REPS2: variants seen among roughly 807,000 people sequenced by gnomAD.
REPS2 encodes RALBP1 associated Eps domain containing 2, also known as ralBP1-associated Eps domain-containing protein 2.
Under a neutral mutation model 53.6 loss-of-function variants are expected in REPS2, and 23 were observed. The observed-to-expected ratio is 0.43, with a 90% CI of 0.31 to 0.61. The LOEUF (loss-of-function observed/expected upper bound fraction) is 0.61, where lower values mean the gene tolerates loss of function less well. Ranked by LOEUF, REPS2 falls within the 20% of genes least tolerant of loss-of-function variation. The probability of loss-of-function intolerance (pLI) is 0.11; values close to 1 mark genes in which losing one functional copy is unlikely to be tolerated. For synonymous variants in REPS2, 238 were observed against 218.6 expected, an observed-to-expected ratio of 1.09 and a Z score of -0.78; for missense variants, 446 against 534.9, an observed-to-expected ratio of 0.83 and a Z score of 1.64.
chrX:16,951,533 ACACACACACACACACACACACACACACC>A lies in REPS2; in HGVS notation c.273+4401_273+4428del, dbSNP rs1265873416. 1.9e-4 allele frequency among the ~76,000 whole-genome samples: 10 copies of A among 51,819 alleles called. No homozygotes were observed. In the South Asian group the frequency reaches 9.3e-3, roughly 48 times the overall value. The allele number at this position is 51,819 out of a possible 115,157, so 45.0% of individuals were successfully genotyped here. ...CACACACACACACACACACACACAC[ACACACACACACACACACACACACACACC>A]CCCGCTACCTACCTCTCTCTGGGGC... On this transcript the variant is annotated intron_variant, in intron 1 of 17. Transcript: ENST00000357277.
intron 9 of REPS2, among the ~76,000 whole-genome samples, chrX:17,065,793 G>T (rs1015393737): frequency 2.7e-5 from 3 of 111,091 alleles, no homozygotes; most frequent in Non-Finnish European, 1.9e-5. Context: ...CACCATGTTG[G>T]CCAGGATGGT....
chrX:17,046,055 G>C (rs182371100), intron 5 of REPS2, among the ~76,000 whole-genome samples: 4 of 110,292 alleles, frequency 3.6e-5, no homozygotes, highest in African/African-American at 1.3e-4. Flanking sequence ...TTGACAGTGT[G>C]TTCAGAAGCA....
Position 16,976,707 on chromosome X carries a change from C to T in REPS2, c.274-29514C>T, listed in dbSNP as rs775505918. On this transcript the variant is annotated intron_variant, in intron 1 of 17. Transcript: ENST00000357277. The stretch of plus-strand genomic sequence containing the variant: ...CTTCAAGAACTCACCTACTGCCAAT[C>T]ATTCCTCTGAGTTAAGAATATATAT... Among the ~76,000 whole-genome samples, 8 of 111,727 alleles carry T rather than the reference C, an allele frequency of 7.2e-5. No individual in the cohort carries two copies. In the East Asian group the frequency reaches 2.2e-3, roughly 31 times the overall value.
intron 14 of REPS2, among the ~76,000 whole-genome samples, chrX:17,127,547 A>G (rs1389856346): frequency 8.9e-6 from 1 of 111,901 alleles, no homozygotes; most frequent in Non-Finnish European, 1.9e-5. Context: ...AGAGAAGGGC[A>G]TGGAAATGGG....
In REPS2 at chrX:17,152,088, G is replaced by C. The variant is rs2063574762; in HGVS notation, c.*4607G>C. The C allele has an allele frequency of 1.8e-5, 2 of 111,399 alleles. No homozygotes were observed. Among genetic ancestry groups the C allele is most frequent in the African/African-American group, 6.5e-5 (2 of 30,609 alleles). The allele number at this position is 111,399 out of a possible 1,213,427, so 9.2% of individuals were successfully genotyped here. On this transcript the variant is annotated 3_prime_UTR_variant, in exon 18 of 18. Transcript: ENST00000357277. ...GCTTCGCTTGTTTGTAAGGAGAAAT[G>C]CATCTGGTTATGTGAATTTCCCGAG...
At chrX:17,142,011 C>T (rs1041976450) in intron 17 of REPS2, among the ~76,000 whole-genome samples, 1 of 111,849 alleles carries the variant, frequency 8.9e-6, no homozygotes, top group African/African-American at 3.2e-5. Context: ...CTCCAGTAAT[C>T]AAGATGCTGA....
In REPS2 at chrX:17,050,194, CTTT is replaced by C. The variant is rs200986826; in HGVS notation, c.908-2174_908-2172del. Among the ~76,000 whole-genome samples the C allele has an allele frequency of 8.9e-4, 46 of 51,775 alleles. 1 individual carries two copies. Among genetic ancestry groups the C allele is most frequent in the African/African-American group, 1.9e-3 (20 of 10,505 alleles). 45.0% of individuals were successfully genotyped at this position (51,775 alleles called of 115,157 possible). ...TCTTTCTTTCTTTCTTTCTTTCTTTCTTTTTTTTTTTTTTTTGACAGGGTCTTA... is the reference window on the plus strand; with the variant it reads ...TCTTTCTTTCTTTCTTTCTTTCTTTCTTTTTTTTTTTTTGACAGGGTCTTA... On this transcript the variant is annotated intron_variant, in intron 6 of 17. Coordinates refer to ENST00000357277, the MANE Select transcript of REPS2 (RefSeq NM_004726.3).
At chrX:16,989,791 T>C (rs559407974) in intron 1 of REPS2, among the ~76,000 whole-genome samples, 6 of 112,235 alleles carry the variant, frequency 5.3e-5, no homozygotes, top group African/African-American at 1.9e-4. Flanking sequence ...CATCAAATGA[T>C]GGCAAGGCTG....
In REPS2 at chrX:17,036,275, A is replaced by G. The variant is rs1439950850; in HGVS notation, c.771+6652A>G. Among the ~76,000 whole-genome samples the G allele has an allele frequency of 2.7e-5, 3 of 112,755 alleles. No individual in the cohort carries two copies. The Admixed American group carries it at 2.8e-4, about 11-fold the overall frequency. On this transcript the variant is annotated intron_variant, in intron 5 of 17. Transcript: ENST00000357277. ...GCTAACAAATTTATGGGTCTTTGCCAATCTGATAGGTGAAAAATGATAGCT... is the reference window on the plus strand; with the variant it reads ...GCTAACAAATTTATGGGTCTTTGCCGATCTGATAGGTGAAAAATGATAGCT...
intron 14 of REPS2, among the ~76,000 whole-genome samples, chrX:17,124,628 A>G (rs1008420639): frequency 1.8e-5 from 2 of 110,722 alleles, no homozygotes; most frequent in African/African-American, 3.3e-5. Context: ...ACCAAATGAC[A>G]TTTAGAATAC....
chrX:17,183,222 C>T, the REPS2 span, among the ~76,000 whole-genome samples: 1 of 112,042 alleles, frequency 8.9e-6, no homozygotes, highest in African/African-American at 3.2e-5. Flanking sequence ...CTCTATTCCA[C>T]ACACAGCTGA....
the REPS2 span, among the ~76,000 whole-genome samples, chrX:17,184,397 A>G: frequency 9.7e-6 from 1 of 103,147 alleles, no homozygotes; most frequent in Non-Finnish European, 2.0e-5. Context: ...CATGGTGTAT[A>G]TGTGCCACAT....
intron 3 of REPS2, 168 bp downstream of exon 3, chrX:17,022,439 A>C (rs1329343284): frequency 2.5e-6 from 1 of 396,535 alleles, no homozygotes; most frequent in Non-Finnish European, 4.3e-6. Context: ...AGAGACCGAC[A>C]CATATGAATC....
intron 14 of REPS2, among the ~76,000 whole-genome samples, chrX:17,127,904 C>G (rs920255883): frequency 8.9e-6 from 1 of 111,760 alleles, no homozygotes; most frequent in Non-Finnish European, 1.9e-5. Flanking sequence ...TGATCCACCT[C>G]TAAGATGGCT....
At chrX:16,960,611 A>G (rs1305467558) in intron 1 of REPS2, among the ~76,000 whole-genome samples, 1 of 111,981 alleles carries the variant, frequency 8.9e-6, no homozygotes, top group Non-Finnish European at 1.9e-5. Context: ...TGCCACTTTT[A>G]TTGAACACAG....
At chrX:17,097,464 A>C (rs1226730254) in intron 13 of REPS2, among the ~76,000 whole-genome samples, 1 of 112,168 alleles carries the variant, frequency 8.9e-6, no homozygotes, top group Admixed American at 9.4e-5. Context: ...ACTTGGAAAA[A>C]ATTTATAACC....
chrX:16,960,209 A>G (rs1024636656), intron 1 of REPS2, among the ~76,000 whole-genome samples: 3 of 108,994 alleles, frequency 2.8e-5, no homozygotes, highest in Non-Finnish European at 5.7e-5. Flanking sequence ...ACAAAAAATT[A>G]AAAAAAAATG....
At chrX:17,182,881 C>T in the REPS2 span, among the ~76,000 whole-genome samples, 4 of 111,679 alleles carry the variant, frequency 3.6e-5, no homozygotes, top group African/African-American at 1.3e-4. Flanking sequence ...AAAAAATCTG[C>T]CAAGCATCAA....
chrX:17,078,104 G>C (rs1170221028), intron 13 of REPS2, among the ~76,000 whole-genome samples: 2 of 112,327 alleles, frequency 1.8e-5, no homozygotes, highest in East Asian at 5.6e-4. Context: ...AAGATGGGAG[G>C]CATGCCTTTG....
Sources: allele counts gnomAD v4.1 joint callset (sites outside exome capture counted in the v4.1 genomes callset), GRCh38; gene constraint gnomAD v4.1.1; transcripts MANE v1.5; gene names NCBI Gene and HGNC (gene_info 2026-07-23, HGNC 2026-07-21).